NOVA1: variants seen among roughly 807,000 people sequenced by gnomAD.
The protein encoded by NOVA1 is RNA-binding protein Nova-1.
A neutral mutation model predicts 38.0 loss-of-function variants in NOVA1; 7 were observed. The observed-to-expected ratio is 0.18, with a 90% CI of 0.10 to 0.35. NOVA1 has a LOEUF of 0.35. Ranked by LOEUF, NOVA1 falls within the 10% of genes least tolerant of loss-of-function variation. NOVA1 has a pLI of 1.00. For synonymous variants in NOVA1, 270 were observed against 232.5 expected (o/e 1.16, Z -1.47); for missense variants, 460 against 616.0 (o/e 0.75, Z 2.68).
intron 4 of NOVA1, 84 bp downstream of exon 4, chr14:26,472,236 C>A: frequency 1.2e-6 from 1 of 813,550 alleles, no homozygotes; most frequent in South Asian, 1.5e-5. Context: ...ACGAATAAAT[C>A]CTTAACCCAC....
In NOVA1 at chr14:26,597,770, C is replaced by T; in HGVS notation, c.-334G>A. On this transcript the variant is annotated 5_prime_UTR_variant, in exon 1 of 5. Coordinates refer to ENST00000539517, the MANE Select transcript of NOVA1 (RefSeq NM_002515.3). ...GAAGGGAGAGGGGCGAGTGAATGAG[C>T]GGGAGGAGGGGACCGGGGAGGACAG... The T allele has an allele frequency of 1.2e-6, 1 of 832,328 alleles. No individual in the cohort carries two copies. Among genetic ancestry groups the T allele is most frequent in the Non-Finnish European group, 1.4e-6 (1 of 700,456 alleles). 51.6% of individuals were successfully genotyped at this position (832,328 alleles called of 1,614,324 possible).
In NOVA1 at chr14:26,461,719, G is replaced by A. The variant is rs528620218; in HGVS notation, c.519+10601C>T. Reference sequence around the variant, plus strand: ...TGAGGCGGGCAGATCACCTGAGGTCGAGAGTTCAAGACCAGCCTGACCAAC... The same window carrying A: ...TGAGGCGGGCAGATCACCTGAGGTCAAGAGTTCAAGACCAGCCTGACCAAC... On this transcript the variant is annotated intron_variant, in intron 4 of 4. Transcript: ENST00000539517. Among the ~76,000 whole-genome samples, 16 of 148,864 alleles carry A rather than the reference G, an allele frequency of 1.1e-4. No homozygotes were observed. The South Asian group carries it at 2.3e-3, about 22-fold the overall frequency.
chr14:26,449,088 A>G (rs1882394546), intron 4 of NOVA1, 125 bp from the exon 5 acceptor site: 8 of 905,402 alleles, frequency 8.8e-6, no homozygotes, highest in South Asian at 4.8e-5. Context: ...AAACAGAAAT[A>G]TCACAACTTT....
At chr14:26,453,963 T>C (rs1420117538) in intron 4 of NOVA1, among the ~76,000 whole-genome samples, 1 of 152,136 alleles carries the variant, frequency 6.6e-6, no homozygotes, top group Non-Finnish European at 1.5e-5. Context: ...TCATTCTTCT[T>C]CTGGCAACAG....
At chr14:26,554,624 AATC>A (rs1206770201) in intron 2 of NOVA1, among the ~76,000 whole-genome samples, 2 of 152,200 alleles carry the variant, frequency 1.3e-5, no homozygotes, top group African/African-American at 4.8e-5. Flanking sequence ...TGATTTGACT[AATC>A]ATAAACAAAA....
chr14:26,555,691 TTAA>T (rs1291059429), intron 2 of NOVA1, among the ~76,000 whole-genome samples: 1 of 152,096 alleles, frequency 6.6e-6, no homozygotes, highest in African/African-American at 2.4e-5. Context: ...TCACTGTTAG[TTAA>T]TAATATCAAC....
intron 2 of NOVA1, among the ~76,000 whole-genome samples, chr14:26,532,168 G>C (rs997988175): frequency 6.6e-6 from 1 of 152,056 alleles, no homozygotes; most frequent in African/African-American, 2.4e-5. Flanking sequence ...ATATGACTCA[G>C]ATATACCATT....
intron 2 of NOVA1, among the ~76,000 whole-genome samples, chr14:26,587,109 G>A (rs1224430542): frequency 6.6e-6 from 1 of 150,750 alleles, no homozygotes; most frequent in East Asian, 1.9e-4. Context: ...TGGCATTAGA[G>A]AAACCTTACG....
At chr14:26,582,444 C>T (rs377455334) in intron 2 of NOVA1, among the ~76,000 whole-genome samples, 1 of 151,820 alleles carries the variant, frequency 6.6e-6, no homozygotes, top group East Asian at 1.9e-4. Flanking sequence ...CATAAAAGAA[C>T]ATTATTTATT....
At position 26,467,190 on chromosome 14, in the gene NOVA1, A is replaced by T. The variant is rs534972536; in HGVS notation, c.519+5130T>A. 2.6e-5 allele frequency among the ~76,000 whole-genome samples: 4 copies of T among 152,338 alleles called. No individual in the cohort carries two copies. In the East Asian group the frequency reaches 7.7e-4, roughly 29 times the overall value. On this transcript the variant is annotated intron_variant, in intron 4 of 4. Transcript: ENST00000539517. ...AAACTAGCAAAGGATTCTGAGAAGA[A>T]GCAAAATGGAACCAGGCAGGAGGAA...
Position 26,443,846 on chromosome 14 carries a change from G to A in NOVA1, c.*4113C>T, listed in dbSNP as rs947192501. 3 of 151,836 alleles carry A rather than the reference G, an allele frequency of 2.0e-5. No individual in the cohort carries two copies. Among genetic ancestry groups the A allele is most frequent in the Admixed American group, 6.6e-5 (1 of 15,204 alleles). 9.4% of individuals were successfully genotyped at this position (151,836 alleles called of 1,614,324 possible). A position where few individuals can be genotyped will look rare whatever the true frequency, so the allele number is the denominator to read the frequency against. On this transcript the variant is annotated 3_prime_UTR_variant, in exon 5 of 5. Transcript: ENST00000539517. ...ATTGCACTCAAAATTATTGTGTATA[G>A]CCATGCTTGCCCTGTATTTAATGAG...
At chr14:26,523,235 T>G (rs903075621) in intron 2 of NOVA1, among the ~76,000 whole-genome samples, 2 of 152,230 alleles carry the variant, frequency 1.3e-5, no homozygotes, top group Non-Finnish European at 2.9e-5. Context: ...ATGTTTTATT[T>G]AAAATGCTTC....
intron 2 of NOVA1, among the ~76,000 whole-genome samples, chr14:26,530,982 A>G (rs114478148): frequency 6.6e-6 from 1 of 152,164 alleles, no homozygotes; most frequent in Non-Finnish European, 1.5e-5. Context: ...GTGAAGAGAC[A>G]TTAATATGTA....
chr14:26,462,248 C>T (rs1361905023), intron 4 of NOVA1, among the ~76,000 whole-genome samples: 1 of 151,958 alleles, frequency 6.6e-6, no homozygotes, highest in African/African-American at 2.4e-5. Flanking sequence ...ACCAACTATT[C>T]TCAATGCTGA....
intron 2 of NOVA1, among the ~76,000 whole-genome samples, chr14:26,560,329 T>C (rs1464175478): frequency 1.3e-5 from 2 of 152,160 alleles, no homozygotes; most frequent in Non-Finnish European, 2.9e-5. Context: ...GAAGCCTTTA[T>C]TGAATAAGAA....
At chr14:26,570,341 C>T (rs961750124) in intron 2 of NOVA1, among the ~76,000 whole-genome samples, 11 of 150,774 alleles carry the variant, frequency 7.3e-5, no homozygotes, top group African/African-American at 2.7e-4. Flanking sequence ...AGTGAGACTC[C>T]AACTCAGAAA....
chr14:26,514,062 A>C (rs1888286012), intron 2 of NOVA1, among the ~76,000 whole-genome samples: 1 of 151,766 alleles, frequency 6.6e-6, no homozygotes, highest in Non-Finnish European at 1.5e-5. Flanking sequence ...TATGAATGTC[A>C]ATAACTTATT....
intron 4 of NOVA1, among the ~76,000 whole-genome samples, chr14:26,469,533 C>A (rs921263494): frequency 1.3e-5 from 2 of 152,154 alleles, no homozygotes; most frequent in Admixed American, 1.3e-4. Context: ...AGACACTGTT[C>A]TAGGAAGAGG....
At chr14:26,473,923 C>T (rs1012810618) in intron 3 of NOVA1, among the ~76,000 whole-genome samples, 13 of 151,892 alleles carry the variant, frequency 8.6e-5, no homozygotes, top group African/African-American at 2.9e-4. Context: ...TTAATTCTTG[C>T]TATTTCTCAA....
Sources: gnomAD v4.1 joint callset for allele counts (sites outside exome capture counted in the v4.1 genomes callset) on GRCh38, gnomAD v4.1.1 for gene constraint, MANE v1.5 for transcripts, NCBI Gene and HGNC (gene_info 2026-07-23, HGNC 2026-07-21) for gene names.